RAPGEF5: variants seen among roughly 807,000 people sequenced by gnomAD.
RAPGEF5 encodes the protein M-Ras-regulated GEF.
In RAPGEF5, 65 loss-of-function variants were observed where a neutral mutation model predicts 125.2. The observed-to-expected ratio is 0.52, with a 90% CI of 0.43 to 0.64. RAPGEF5 has a LOEUF of 0.64. Among genes scored for constraint, RAPGEF5 ranks in the 30% least tolerant of loss-of-function variants. The pLI is 0.00. For missense variants in RAPGEF5, 958 were observed against 1,048.1 expected (o/e 0.91, Z 1.19); for synonymous variants, 391 against 385.9 (o/e 1.01, Z -0.16).
rs1782831632 is a variant in RAPGEF5, at chr7:22,287,781, C to T, written c.747+3394G>A. On this transcript the variant is annotated intron_variant, in intron 6 of 25. Transcript: ENST00000665637. The stretch of plus-strand genomic sequence containing the variant: ...AACAACTATGTTATGAAGAGGTAGA[C>T]TGAGTCCCACTGTCCATTAACAAAT... Among the ~76,000 whole-genome samples, 3 of 152,292 alleles carry T rather than the reference C, an allele frequency of 2.0e-5. No homozygotes were observed. The South Asian group carries it at 6.2e-4, about 32-fold the overall frequency.
At chr7:22,309,195 A>G (rs1783413942) in intron 4 of RAPGEF5, among the ~76,000 whole-genome samples, 1 of 152,222 alleles carries the variant, frequency 6.6e-6, no homozygotes, top group Non-Finnish European at 1.5e-5. Context: ...AAGTATCCTA[A>G]TAATACCTCC....
chr7:22,335,791 C>A (rs1006384043), intron 1 of RAPGEF5, among the ~76,000 whole-genome samples: 1 of 152,024 alleles, frequency 6.6e-6, no homozygotes, highest in African/African-American at 2.4e-5. Context: ...AAAAGCAACT[C>A]CTTTCCTTCT....
intron 16 of RAPGEF5, 84 bp downstream of exon 16, chr7:22,156,726 T>C (rs1171563927): frequency 6.3e-7 from 1 of 1,589,840 alleles, no homozygotes; most frequent in East Asian, 2.2e-5. Context: ...AAATGAAGGT[T>C]AGTCAGGCTG....
At chr7:22,236,213 C>G (rs932125432) in intron 7 of RAPGEF5, among the ~76,000 whole-genome samples, 1 of 152,186 alleles carries the variant, frequency 6.6e-6, no homozygotes, top group Non-Finnish European at 1.5e-5. Flanking sequence ...GCTCTCTTTT[C>G]TCTCTTTGCC....
At chr7:22,283,685 T>C (rs1436688168) in intron 6 of RAPGEF5, among the ~76,000 whole-genome samples, 1 of 152,212 alleles carries the variant, frequency 6.6e-6, no homozygotes, top group African/African-American at 2.4e-5. Flanking sequence ...GGTATATTTC[T>C]ATTTCTTGTC....
intron 8 of RAPGEF5, among the ~76,000 whole-genome samples, chr7:22,224,128 A>G (rs1169609052): frequency 2.0e-5 from 3 of 152,228 alleles, no homozygotes; most frequent in African/African-American, 7.2e-5. Context: ...AAGATTGCCA[A>G]GCATTACTAA....
At chr7:22,282,144 CT>C (rs1782686782) in intron 6 of RAPGEF5, among the ~76,000 whole-genome samples, 1 of 152,172 alleles carries the variant, frequency 6.6e-6, no homozygotes, top group Non-Finnish European at 1.5e-5. Flanking sequence ...AAAACCGTAA[CT>C]GAGCACAATG....
At chr7:22,178,966 C>T (rs1262061134) in intron 11 of RAPGEF5, among the ~76,000 whole-genome samples, 2 of 152,146 alleles carry the variant, frequency 1.3e-5, no homozygotes, top group Non-Finnish European at 2.9e-5. Flanking sequence ...AAAGATTCTC[C>T]TATCACTCTA....
rs748638968 is a variant in RAPGEF5 at position 22,219,951 on chromosome 7, C to T, written c.911G>A (p.Gly304Glu). ...CAGCTTCTGGACTAGTTCAATTCGT[C>T]CGATTTCATCTCTTTCCTGGAGCTT... ...MCKLQERDEI[G>E]RIELVQKLAK... The change falls in exon 9 of 26, where the codon GGA becomes GAA. Residue 304 changes from glycine to glutamate, a missense_variant. Physicochemically the swap from Gly to Glu is moderately conservative, Grantham distance 98. Coordinates refer to ENST00000665637, the MANE Select transcript of RAPGEF5 (RefSeq NM_012294.5). 4.3e-6 allele frequency: 7 copies of T among 1,613,482 alleles called. No individual in the cohort carries two copies. Among genetic ancestry groups the T allele is most frequent in the Non-Finnish European group, 5.1e-6 (6 of 1,179,678 alleles).
chr7:22,241,553 C>T (rs993948996), intron 7 of RAPGEF5, among the ~76,000 whole-genome samples: 1 of 152,164 alleles, frequency 6.6e-6, no homozygotes, highest in Non-Finnish European at 1.5e-5. Flanking sequence ...ACTTCTTGTA[C>T]AATTGTTTGT....
intron 1 of RAPGEF5, among the ~76,000 whole-genome samples, chr7:22,321,224 A>G (rs763763397): frequency 6.6e-6 from 1 of 152,242 alleles, no homozygotes; most frequent in Non-Finnish European, 1.5e-5. Flanking sequence ...GGAAATTGCA[A>G]TCCTTTAATA....
Position 22,140,010 on chromosome 7 carries a change from G to A in RAPGEF5, c.2277+15C>T, listed in dbSNP as rs776255571. The A allele has an allele frequency of 6.5e-7, 1 of 1,547,002 alleles. No homozygotes were observed. Among genetic ancestry groups the A allele is most frequent in the Non-Finnish European group, 8.8e-7 (1 of 1,140,684 alleles). On this transcript the variant is annotated intron_variant, in intron 21 of 25. Transcript: ENST00000665637. ...CCATTTTATGTGCCCCTCACCATGG[G>A]ACTCCAAGGCTCACCTCCCAGGTCT...
intron 20 of RAPGEF5, among the ~76,000 whole-genome samples, chr7:22,142,277 C>T (rs1783287900): frequency 6.6e-6 from 1 of 152,198 alleles, no homozygotes; most frequent in Non-Finnish European, 1.5e-5. Context: ...ACATTCTGCC[C>T]ATCACCCAGG....
At chr7:22,194,303 G>A (rs1324032442) in intron 9 of RAPGEF5, among the ~76,000 whole-genome samples, 1 of 152,156 alleles carries the variant, frequency 6.6e-6, no homozygotes, top group Non-Finnish European at 1.5e-5. Context: ...GGAATTCAGA[G>A]TTTATTTTTA....
intron 6 of RAPGEF5, among the ~76,000 whole-genome samples, chr7:22,282,254 G>C (rs1782690460): frequency 6.6e-6 from 1 of 151,968 alleles, no homozygotes; most frequent in Non-Finnish European, 1.5e-5. Flanking sequence ...CATGGACCAA[G>C]CTGTATTTTT....
chr7:22,356,809 G>A (rs943777519), intron 1 of RAPGEF5, 21 bp downstream of exon 1: 18 of 1,153,618 alleles, frequency 1.6e-5, no homozygotes, highest in Non-Finnish European at 1.8e-5. Flanking sequence ...GTGCCCACTC[G>A]GACAGGGCCG....
In RAPGEF5 at chr7:22,156,839, T is replaced by G. The variant is rs1293132837; in HGVS notation, c.1607A>C (p.His536Pro). Residue 536 changes from histidine (H) to proline (P), a missense_variant, in exon 16 of 26, where the codon CAT becomes CCT. Physicochemically the swap from His to Pro is moderately conservative, Grantham distance 77. Coordinates refer to ENST00000665637, the MANE Select transcript of RAPGEF5 (RefSeq NM_012294.5). ...QFSLKENWLQ[H>P]RGTVTETEEI... ...CTCCGTTTCAGTCACAGTTCCTCTA[T>G]GCTGGAGCCAGTTCTCCTTAAGACT... is the stretch of plus-strand genomic sequence containing the variant. 6.2e-7 allele frequency: 1 copy of G among 1,613,850 alleles called. No homozygotes were observed. Among genetic ancestry groups the G allele is most frequent in the Non-Finnish European group, 8.5e-7 (1 of 1,179,868 alleles).
At chr7:22,306,369 T>C (rs1783342088) in intron 5 of RAPGEF5, among the ~76,000 whole-genome samples, 2 of 152,236 alleles carry the variant, frequency 1.3e-5, no homozygotes, top group Admixed American at 1.3e-4. Flanking sequence ...GTATGTCTTT[T>C]TTTGAGAAAC....
At chr7:22,192,110 T>C (rs975565910) in intron 11 of RAPGEF5, 1 of 157,226 alleles carries the variant, frequency 6.4e-6, no homozygotes, top group Admixed American at 6.2e-5. Flanking sequence ...AACATGGGAA[T>C]AGTGCTCAAA....
Sources: gnomAD v4.1 joint callset for allele counts (sites outside exome capture counted in the v4.1 genomes callset) on GRCh38, gnomAD v4.1.1 for gene constraint, MANE v1.5 for transcripts, NCBI Gene and HGNC (gene_info 2026-07-23, HGNC 2026-07-21) for gene names.